The following C3orf20 variants were observed in gnomAD, a reference collection of about 807,000 sequenced individuals.
The protein encoded by C3orf20 is uncharacterized protein C3orf20.
C3orf20 carries 76 observed loss-of-function variants against 88.3 expected under a neutral mutation model. That is an observed-to-expected ratio of 0.86 (90% CI 0.72 to 1.04). C3orf20 has a LOEUF of 1.04. Among genes scored for constraint, C3orf20 ranks in the 50% least tolerant of loss-of-function variants. C3orf20 has a pLI of 0.00. For synonymous variants in C3orf20, 436 were observed against 437.4 expected (o/e 1.00, Z 0.04); for missense variants, 1,056 against 1,123.3 (o/e 0.94, Z 0.86).
intron 11 of C3orf20, 83 bp from the exon 12 acceptor site, chr3:14,728,356 A>C: frequency 1.3e-6 from 2 of 1,560,784 alleles, no homozygotes; most frequent in Non-Finnish European, 1.8e-6. Context: ...GCCAAGGTGC[A>C]CTTAGATGTT....
At chr3:14,691,442 A>G (rs1358184696) in intron 5 of C3orf20, among the ~76,000 whole-genome samples, 4 of 152,322 alleles carry the variant, frequency 2.6e-5, no homozygotes, top group South Asian at 2.1e-4. Context: ...TTTCTGCGTA[A>G]TGAACTTGAG....
chr3:14,677,045 A>C (rs2031809139), intron 1 of C3orf20, among the ~76,000 whole-genome samples: 1 of 152,162 alleles, frequency 6.6e-6, no homozygotes, highest in Non-Finnish European at 1.5e-5. Flanking sequence ...TGATTCTCAG[A>C]CCTGTCCTAG....
chr3:14,769,127 C>T (rs1187365245), intron 15 of C3orf20, among the ~76,000 whole-genome samples: 1 of 152,096 alleles, frequency 6.6e-6, no homozygotes, highest in Non-Finnish European at 1.5e-5. Context: ...CCTGCTGAGG[C>T]ACTTGCAGGG....
rs1206274517 is a variant in C3orf20, at chr3:14,757,737, G to A, written c.2244+63G>A. The A allele has an allele frequency of 2.0e-6, 3 of 1,484,630 alleles. No individual in the cohort carries two copies. The African/African-American group carries it at 4.2e-5, about 21-fold the overall frequency. 92.0% of individuals were successfully genotyped at this position (1,484,630 alleles called of 1,614,324 possible). ...GGGCAGGGGTAGTGGGGCAGTCCGA[G>A]AAAACCCCCACAGTGCTAGGACTGG... On this transcript the variant is annotated intron_variant, in intron 13 of 16. Coordinates refer to ENST00000253697, the MANE Select transcript of C3orf20 (RefSeq NM_032137.5).
intron 12 of C3orf20, among the ~76,000 whole-genome samples, chr3:14,753,802 G>T (rs2035284755): frequency 6.6e-6 from 1 of 152,156 alleles, no homozygotes; most frequent in East Asian, 1.9e-4. Flanking sequence ...CATTTGTAAT[G>T]TGTAGTCTCC....
intron 4 of C3orf20, among the ~76,000 whole-genome samples, chr3:14,688,146 G>T (rs868281481): frequency 6.6e-6 from 1 of 152,228 alleles, no homozygotes; most frequent in South Asian, 2.1e-4. Context: ...AAACTCTGAT[G>T]ATTTGTTTTG....
chr3:14,717,991 G>A lies in C3orf20; in HGVS notation c.1434+2582G>A, dbSNP rs138401632. Among the ~76,000 whole-genome samples the A allele has an allele frequency of 2.9e-3, 434 of 152,144 alleles. 1 individual carries two copies. Among genetic ancestry groups the A allele is most frequent in the Non-Finnish European group, 4.3e-3 (289 of 67,990 alleles). On this transcript the variant is annotated intron_variant, in intron 9 of 16. Transcript: ENST00000253697. ...TTTTCTCTTTTCTTTGGTTTTCTAAGTTTAACTGATACATCTAGGTGTGGT... is the reference window on the plus strand; with the variant it reads ...TTTTCTCTTTTCTTTGGTTTTCTAAATTTAACTGATACATCTAGGTGTGGT...
chr3:14,708,719 C>T (rs1559411440), intron 7 of C3orf20, among the ~76,000 whole-genome samples: 1 of 152,190 alleles, frequency 6.6e-6, no homozygotes, highest in South Asian at 2.1e-4. Context: ...TCTCAGCTCA[C>T]TGCAACCTCT....
At chr3:14,677,028 T>G (rs1183197323) in intron 1 of C3orf20, among the ~76,000 whole-genome samples, 1 of 152,224 alleles carries the variant, frequency 6.6e-6, no homozygotes, top group Non-Finnish European at 1.5e-5. Context: ...ATGCATCTAG[T>G]GAGGGCTGAT....
chr3:14,769,422 G>C (rs1249809743), intron 15 of C3orf20, among the ~76,000 whole-genome samples: 1 of 151,948 alleles, frequency 6.6e-6, no homozygotes, highest in Non-Finnish European at 1.5e-5. Context: ...CATGCTGATA[G>C]TTTGGGCCAT....
At chr3:14,741,756 C>T (rs1301538000) in intron 12 of C3orf20, among the ~76,000 whole-genome samples, 1 of 152,210 alleles carries the variant, frequency 6.6e-6, no homozygotes, top group Non-Finnish European at 1.5e-5. Flanking sequence ...ACTGCTCCTG[C>T]AGAGCAGGGA....
chr3:14,687,253 T>G (rs528936940), intron 4 of C3orf20, among the ~76,000 whole-genome samples: 52 of 152,388 alleles, frequency 3.4e-4, no homozygotes, highest in Non-Finnish European at 7.2e-4. Flanking sequence ...ATTTTTATTT[T>G]CTTTGTAAGA....
chr3:14,683,176 G>T lies in C3orf20; in HGVS notation c.463G>T (p.Ala155Ser). 3 of 1,594,796 alleles carry T rather than the reference G, an allele frequency of 1.9e-6. No individual in the cohort carries two copies. The highest frequency in any genetic ancestry group is 2.6e-6 in the Non-Finnish European group (3 of 1,169,986). ...LTELLRLKMKAMVESMSVGAN... is the reference protein window; with the variant it reads ...LTELLRLKMKSMVESMSVGAN... ...GGAGCTCCTCAGACTGAAGATGAAGGCCATGGTGGAGTCTATGTCGGGTAA... is the reference window on the plus strand; with the variant it reads ...GGAGCTCCTCAGACTGAAGATGAAGTCCATGGTGGAGTCTATGTCGGGTAA... Residue 155 changes from alanine (A) to serine (S), a missense_variant, in exon 3 of 17, where the codon GCC becomes TCC. Coordinates refer to ENST00000253697, the MANE Select transcript of C3orf20 (RefSeq NM_032137.5).
rs1357873040 is a variant in C3orf20, at chr3:14,772,637, C to A, written c.2631-154C>A. 6.6e-6 allele frequency among the ~76,000 whole-genome samples: 1 copy of A among 152,246 alleles called. No homozygotes were observed. The highest frequency in any genetic ancestry group is 2.4e-5 in the African/African-American group (1 of 41,466). ...AAATTAGGAGCATGTAGAAAGGTCG[C>A]AGGTGCCACCGGGGCCCTCTGGTTG... On this transcript the variant is annotated intron_variant, in intron 16 of 16. Transcript: ENST00000253697. This position sits in a 1 kb window ranked among gnomAD's most constrained non-coding sequence, Gnocchi z 4.2.
rs533629608 is a variant in C3orf20, at chr3:14,713,988, AC to A, written c.1161-17del. The A allele has an allele frequency of 2.4e-4, 395 of 1,613,750 alleles. 2 individuals are homozygous for A. The African/African-American group carries it at 4.6e-3, about 19-fold the overall frequency. On this transcript the variant is annotated intron_variant, in intron 7 of 16. Coordinates refer to ENST00000253697, the MANE Select transcript of C3orf20 (RefSeq NM_032137.5). ...ACCAGGGGAGTTTTCTGTTAGTTCT[AC>A]CTGAACATTTCTGCCAGCTATCCCT...
chr3:14,766,577 A>AG (rs1330021151), intron 15 of C3orf20, among the ~76,000 whole-genome samples: 3 of 151,998 alleles, frequency 2.0e-5, no homozygotes, highest in African/African-American at 7.3e-5. Flanking sequence ...GGCGAGGGGG[A>AG]GGGGGGTCAC....
intron 12 of C3orf20, among the ~76,000 whole-genome samples, chr3:14,741,067 G>A (rs1300997437): frequency 6.6e-6 from 1 of 152,146 alleles, no homozygotes; most frequent in African/African-American, 2.4e-5. Flanking sequence ...CATAATTTAA[G>A]ACTCTGGATG....
intron 12 of C3orf20, among the ~76,000 whole-genome samples, chr3:14,739,253 G>T (rs1051638729): frequency 3.9e-5 from 6 of 152,136 alleles, no homozygotes; most frequent in African/African-American, 1.4e-4. Context: ...TTGATCTGTG[G>T]GCTGCAATAT....
chr3:14,742,972 T>A (rs1262507164), intron 12 of C3orf20, among the ~76,000 whole-genome samples: 1 of 151,952 alleles, frequency 6.6e-6, no homozygotes, highest in East Asian at 1.9e-4. Flanking sequence ...AAATTCAAGT[T>A]GAGATTTCAG....
Sources: allele counts gnomAD v4.1 joint callset (sites outside exome capture counted in the v4.1 genomes callset), GRCh38; gene constraint gnomAD v4.1.1; non-coding constraint Gnocchi (gnomAD v3.1); transcripts MANE v1.5; gene names NCBI Gene and HGNC (gene_info 2026-07-23, HGNC 2026-07-21).